The following MAK variants were observed in gnomAD, a reference collection of about 807,000 sequenced individuals.
The protein encoded by MAK is serine/threonine-protein kinase MAK.
MAK carries 65 observed loss-of-function variants against 82.6 expected under a neutral mutation model. The ratio of observed to expected loss-of-function variants is 0.79; its 90% CI spans 0.64 to 0.97. The LOEUF (loss-of-function observed/expected upper bound fraction) is 0.97. Among genes scored for constraint, MAK ranks in the 50% least tolerant of loss-of-function variants. MAK has a pLI of 0.00. For missense variants in MAK, 703 were observed against 780.2 expected, an observed-to-expected ratio of 0.90 and a Z score of 1.18; for synonymous variants, 250 against 274.2, an observed-to-expected ratio of 0.91 and a Z score of 0.87.
At chr6:10,788,890 T>C (rs1235234161) in intron 10 of MAK, among the ~76,000 whole-genome samples, 1 of 152,186 alleles carries the variant, frequency 6.6e-6, no homozygotes, top group Non-Finnish European at 1.5e-5. Flanking sequence ...TCATCATAAA[T>C]TTGTTCCTTA....
At chr6:10,818,593 GAC>G (rs1777672216) in intron 3 of MAK, among the ~76,000 whole-genome samples, 1 of 139,996 alleles carries the variant, frequency 7.1e-6, no homozygotes, top group Non-Finnish European at 1.5e-5. Flanking sequence ...CAGCCTGGGT[GAC>G]AGAGTAAGAC....
At chr6:10,798,046 T>C (rs1775701994) in intron 8 of MAK, 1 of 781,026 alleles carries the variant, frequency 1.3e-6, no homozygotes, top group Admixed American at 6.2e-5. Context: ...TAATGATGCA[T>C]ATTTTGGAGC....
At chr6:10,801,212 A>C (rs998717329) in intron 8 of MAK, among the ~76,000 whole-genome samples, 6 of 152,182 alleles carry the variant, frequency 3.9e-5, no homozygotes, top group Non-Finnish European at 4.4e-5. Context: ...ACATTTTCTC[A>C]AGATTAATTT....
At chr6:10,777,224 T>A (rs558419828) in intron 11 of MAK, among the ~76,000 whole-genome samples, 2 of 152,052 alleles carry the variant, frequency 1.3e-5, no homozygotes, top group South Asian at 4.2e-4. Flanking sequence ...CTGGCCAACA[T>A]GGTGAGACCC....
chr6:10,779,516 T>C (rs954874756), intron 11 of MAK: 1 of 982,774 alleles, frequency 1.0e-6, no homozygotes, highest in Non-Finnish European at 1.2e-6. Context: ...ATATGGTACA[T>C]TTCTAGAGCT....
intron 2 of MAK, among the ~76,000 whole-genome samples, chr6:10,826,245 C>G (rs1463168651): frequency 6.7e-6 from 1 of 150,210 alleles, no homozygotes; most frequent in African/African-American, 2.5e-5. Context: ...TTTCCCCCCA[C>G]CCCCCCTTTT....
At chr6:10,770,261 G>A in intron 13 of MAK, 31 bp from the exon 14 acceptor site, 1 of 1,612,708 alleles carries the variant, frequency 6.2e-7, no homozygotes, top group Non-Finnish European at 8.5e-7. Context: ...TTCACAGTCA[G>A]AAGGTGAATA....
At chr6:10,807,786 G>A (rs1456777306) in intron 6 of MAK, among the ~76,000 whole-genome samples, 3 of 151,896 alleles carry the variant, frequency 2.0e-5, no homozygotes, top group Admixed American at 6.6e-5. Flanking sequence ...GTTATCGGCC[G>A]GGCCCGGTGG....
intron 14 of MAK, among the ~76,000 whole-genome samples, chr6:10,768,322 A>G (rs1772657476): frequency 6.6e-6 from 1 of 152,196 alleles, no homozygotes; most frequent in Non-Finnish European, 1.5e-5. Flanking sequence ...CATGCCTGTA[A>G]TCCCAGCACT....
At chr6:10,822,146 CAAAA>C (rs751345869) in intron 2 of MAK, among the ~76,000 whole-genome samples, 2 of 36,570 alleles carry the variant, frequency 5.5e-5, no homozygotes, top group African/African-American at 1.0e-4. Context: ...GACTCCGTCT[CAAAA>C]AAAAAAAAAA....
intron 10 of MAK, among the ~76,000 whole-genome samples, chr6:10,789,496 C>T (rs929146656): frequency 1.3e-5 from 2 of 152,120 alleles, no homozygotes; most frequent in Non-Finnish European, 2.9e-5. Context: ...TAGTATCAAA[C>T]CCTATACAGC....
chr6:10,795,989 G>A lies in MAK; in HGVS notation c.1143+9C>T. ...TATTTCATTGCAAGTGTCATGACTG[G>A]CTACTCACAGTTGGCATGTTTTTGA... On this transcript the variant is annotated intron_variant, in intron 9 of 14. Transcript: ENST00000354489. 6.2e-7 allele frequency: 1 copy of A among 1,612,804 alleles called. No homozygotes were observed. Among genetic ancestry groups the A allele is most frequent in the Non-Finnish European group, 8.5e-7 (1 of 1,178,876 alleles).
At chr6:10,836,821 C>T (rs952162669) in intron 1 of MAK, among the ~76,000 whole-genome samples, 1 of 152,178 alleles carries the variant, frequency 6.6e-6, no homozygotes, top group African/African-American at 2.4e-5. Context: ...CAAGCTATAA[C>T]ATTTATTGAC....
chr6:10,810,035 T>C (rs1581729677), intron 5 of MAK, among the ~76,000 whole-genome samples: 1 of 143,154 alleles, frequency 7.0e-6, no homozygotes, highest in African/African-American at 2.6e-5. Flanking sequence ...GAGGCGGAGG[T>C]TGCAGTGAGC....
intron 5 of MAK, among the ~76,000 whole-genome samples, chr6:10,811,526 G>A (rs934564167): frequency 9.2e-5 from 14 of 152,126 alleles, no homozygotes; most frequent in East Asian, 1.9e-4. Context: ...TGCTTCAGAC[G>A]TTGCTGACAG....
In MAK at chr6:10,802,073, A is replaced by G. The variant is rs767084217; in HGVS notation, c.664-14T>C. 1.9e-6 allele frequency: 3 copies of G among 1,613,310 alleles called. No individual in the cohort carries two copies. In the Admixed American group the frequency reaches 5.0e-5, roughly 27 times the overall value. On this transcript the variant is annotated splice_polypyrimidine_tract_variant and intron_variant, in intron 7 of 14. Transcript: ENST00000354489. Reference sequence around the variant, plus strand: ...TGGCCAGTCACTCTGTTTCAGGAATATATAAGTGCAGGTGGGGAGGGCAAA... The same window carrying G: ...TGGCCAGTCACTCTGTTTCAGGAATGTATAAGTGCAGGTGGGGAGGGCAAA...
Position 10,796,193 on chromosome 6 carries a change from T to A in MAK, c.948A>T (p.Leu316Phe). Residue 316 changes from leucine to phenylalanine, a missense_variant, in exon 9 of 15, where the codon TTA becomes TTT. Coordinates refer to ENST00000354489, the MANE Select transcript of MAK (RefSeq NM_001242957.3). ...QLQPLESKPSLVEVEPKPLPD... is the reference protein window; with the variant it reads ...QLQPLESKPSFVEVEPKPLPD... ...GCAGAGGCTTAGGCTCTACCTCAAC[T>A]AAAGATGGCTTTGATTCTAATGGTT... The A allele has an allele frequency of 6.2e-7, 1 of 1,614,222 alleles. No homozygotes were observed. Among genetic ancestry groups the A allele is most frequent in the East Asian group, 2.2e-5 (1 of 44,882 alleles).
intron 13 of MAK, among the ~76,000 whole-genome samples, chr6:10,772,404 C>T (rs951094571): frequency 6.6e-6 from 1 of 151,006 alleles, no homozygotes; most frequent in Non-Finnish European, 1.5e-5. Context: ...AGTGCAGTGG[C>T]GCAATCTTGG....
chr6:10,806,238 G>C (rs1257296174), intron 6 of MAK, among the ~76,000 whole-genome samples: 3 of 150,286 alleles, frequency 2.0e-5, no homozygotes, highest in Non-Finnish European at 4.4e-5. Flanking sequence ...GCAATGGCGC[G>C]ATCTCGGGTC....
Sources: gnomAD v4.1 joint callset for allele counts (sites outside exome capture counted in the v4.1 genomes callset) on GRCh38, gnomAD v4.1.1 for gene constraint, MANE v1.5 for transcripts, NCBI Gene and HGNC (gene_info 2026-07-23, HGNC 2026-07-21) for gene names.